Variants in OPCML observed in about 807,000 individuals in gnomAD.
OPCML encodes opioid binding protein/cell adhesion molecule like.
OPCML carries 13 observed loss-of-function variants against 37.8 expected under a neutral mutation model. That is an observed-to-expected ratio of 0.34 (90% CI 0.22 to 0.55). The LOEUF (loss-of-function observed/expected upper bound fraction) is 0.55, where lower values mean the gene tolerates loss of function less well. Among genes scored for constraint, OPCML ranks in the 20% least tolerant of loss-of-function variants. OPCML has a pLI of 0.91. For synonymous variants in OPCML, 176 were observed against 168.8 expected, an observed-to-expected ratio of 1.04 and a Z score of -0.33; for missense variants, 341 against 435.6, an observed-to-expected ratio of 0.78 and a Z score of 1.93.
intron 3 of OPCML, among the ~76,000 whole-genome samples, chr11:132,575,904 G>T (rs1028270080): frequency 6.6e-6 from 1 of 151,876 alleles, no homozygotes; most frequent in Non-Finnish European, 1.5e-5. Context: ...TAACAGTTTT[G>T]CCAGGCATAG....
At chr11:133,124,381 T>C (rs985511058) in intron 1 of OPCML, among the ~76,000 whole-genome samples, 14 of 152,204 alleles carry the variant, frequency 9.2e-5, no homozygotes, top group African/African-American at 3.4e-4. Flanking sequence ...ACATCTCCTC[T>C]GCCCAGGGCA....
intron 2 of OPCML, among the ~76,000 whole-genome samples, chr11:132,724,814 C>T (rs1240658642): frequency 6.6e-6 from 1 of 152,208 alleles, no homozygotes. Context: ...GCTACAGGCC[C>T]CATGCAAGTC....
chr11:133,264,153 T>C (rs1297999783), intron 1 of OPCML, among the ~76,000 whole-genome samples: 1 of 152,032 alleles, frequency 6.6e-6, no homozygotes, highest in Non-Finnish European at 1.5e-5. Flanking sequence ...GCGTGAAATG[T>C]AAAGTCAGAG....
At chr11:132,496,685 A>G (rs532581736) in intron 4 of OPCML, among the ~76,000 whole-genome samples, 16 of 152,244 alleles carry the variant, frequency 1.1e-4, no homozygotes, top group Non-Finnish European at 2.2e-4. Flanking sequence ...GCTTTGTTAC[A>G]CTCAAAATGT....
chr11:132,835,992 A>G (rs909319340), intron 2 of OPCML, among the ~76,000 whole-genome samples: 5 of 152,184 alleles, frequency 3.3e-5, no homozygotes, highest in African/African-American at 1.2e-4. Flanking sequence ...GGAAATGGAA[A>G]GTGGAAGAAA....
chr11:132,669,181 C>T (rs1238958062), intron 2 of OPCML, among the ~76,000 whole-genome samples: 3 of 151,968 alleles, frequency 2.0e-5, no homozygotes, highest in African/African-American at 7.3e-5. Context: ...TTTTCTTGGA[C>T]AGCGTCAGTG....
At chr11:133,458,913 A>G (rs999664098) in intron 1 of OPCML, among the ~76,000 whole-genome samples, 2 of 151,758 alleles carry the variant, frequency 1.3e-5, no homozygotes, top group Non-Finnish European at 2.9e-5. Flanking sequence ...ACACATATAT[A>G]TATATAAAGT....
At chr11:132,495,948 A>G (rs867692127) in intron 4 of OPCML, among the ~76,000 whole-genome samples, 3 of 151,978 alleles carry the variant, frequency 2.0e-5, no homozygotes, top group Non-Finnish European at 4.4e-5. Context: ...AAGTTGATTC[A>G]TTTCATGGAA....
chr11:132,565,183 T>C (rs1302491984), intron 3 of OPCML, among the ~76,000 whole-genome samples: 2 of 152,212 alleles, frequency 1.3e-5, no homozygotes, highest in Non-Finnish European at 2.9e-5. Context: ...GGAACCTCTC[T>C]AGGTTATCTT....
In OPCML at chr11:133,422,391, ATATG is replaced by A. The variant is rs1030836686; in HGVS notation, c.61+109869_61+109872del. 2.9e-3 allele frequency: 2,627 copies of A among 899,726 alleles called. 5 individuals carry two copies. Among genetic ancestry groups the A allele is most frequent in the Non-Finnish European group, 3.2e-3 (2,431 of 765,586 alleles). 55.7% of individuals were successfully genotyped at this position (899,726 alleles called of 1,614,324 possible). On this transcript the variant is annotated intron_variant, in intron 1 of 7. Transcript: ENST00000524381. The stretch of plus-strand genomic sequence containing the variant: ...GACCAAAGACATTATATATATATAT[ATATG>A]TATATATGCGCCAGTTCAAACCCTT...
intron 1 of OPCML, among the ~76,000 whole-genome samples, chr11:133,377,578 T>C (rs1944834328): frequency 7.6e-6 from 1 of 132,414 alleles, no homozygotes; most frequent in African/African-American, 3.1e-5. Flanking sequence ...CCAGACCAAG[T>C]CTCGTTATGC....
chr11:132,800,176 A>G (rs1332589874), intron 2 of OPCML, among the ~76,000 whole-genome samples: 2 of 152,072 alleles, frequency 1.3e-5, no homozygotes, highest in Admixed American at 6.5e-5. Context: ...TTTGTATGTA[A>G]TTGTACATGA....
chr11:132,604,663 G>C (rs1462222473), intron 3 of OPCML, among the ~76,000 whole-genome samples: 1 of 152,154 alleles, frequency 6.6e-6, no homozygotes, highest in Non-Finnish European at 1.5e-5. Flanking sequence ...TTTGTTTGAA[G>C]GCGCCAACAT....
intron 1 of OPCML, among the ~76,000 whole-genome samples, chr11:133,070,081 T>A (rs1948499668): frequency 6.6e-6 from 1 of 152,188 alleles, no homozygotes; most frequent in Non-Finnish European, 1.5e-5. Context: ...CTAATTTAAA[T>A]TGGCATTTGT....
intron 2 of OPCML, among the ~76,000 whole-genome samples, chr11:132,756,793 T>A (rs904758995): frequency 1.3e-5 from 2 of 152,180 alleles, no homozygotes; most frequent in Admixed American, 1.3e-4. Context: ...TTTCTTTTTT[T>A]ATTATACTTT....
Position 133,173,883 on chromosome 11 carries a change from A to G in OPCML, c.62-230873T>C, listed in dbSNP as rs1176205389. On this transcript the variant is annotated intron_variant, in intron 1 of 7. Coordinates refer to ENST00000524381, the MANE Select transcript of OPCML (RefSeq NM_001012393.5). The surrounding 1 kb of genome is among the most constrained non-coding windows in gnomAD (Gnocchi z 7.8). ...AGTTGATAAATGGGTCTGCACTCTG[A>G]GGGCTGGAATGAAGATTGGACCGGG... Among the ~76,000 whole-genome samples, 3 of 152,204 alleles carry G rather than the reference A, an allele frequency of 2.0e-5. No individual in the cohort carries two copies. Among genetic ancestry groups the G allele is most frequent in the Non-Finnish European group, 4.4e-5 (3 of 68,022 alleles).
chr11:133,171,249 G>T (rs940215801), intron 1 of OPCML, among the ~76,000 whole-genome samples: 1 of 152,216 alleles, frequency 6.6e-6, no homozygotes, highest in African/African-American at 2.4e-5. Flanking sequence ...GCTTTGTGGG[G>T]TCATTATCTC....
chr11:132,712,000 T>C (rs1054893162), intron 2 of OPCML, among the ~76,000 whole-genome samples: 1 of 152,210 alleles, frequency 6.6e-6, no homozygotes, highest in Non-Finnish European at 1.5e-5. Context: ...TGGCAGAGCC[T>C]GCATGAAAGA....
At chr11:132,999,563 TG>T (rs1335104774) in intron 1 of OPCML, among the ~76,000 whole-genome samples, 1 of 128,524 alleles carries the variant, frequency 7.8e-6, no homozygotes, top group African/African-American at 3.5e-5. Context: ...AAGTGACAAA[TG>T]GGGTCGGGGG....
Sources: allele counts gnomAD v4.1 joint callset (sites outside exome capture counted in the v4.1 genomes callset), GRCh38; gene constraint gnomAD v4.1.1; non-coding constraint Gnocchi (gnomAD v3.1); transcripts MANE v1.5; gene names NCBI Gene and HGNC (gene_info 2026-07-23, HGNC 2026-07-21).